The following LRRTM3 variants were observed in gnomAD, a reference collection of about 807,000 sequenced individuals.
The protein encoded by LRRTM3 is leucine rich repeat transmembrane neuronal 3, also known as leucine-rich repeat transmembrane neuronal protein 3.
LRRTM3 carries 24 observed loss-of-function variants against 44.7 expected under a neutral mutation model. The ratio of observed to expected loss-of-function variants is 0.54; its 90% confidence interval spans 0.39 to 0.76. The LOEUF (loss-of-function observed/expected upper bound fraction) is 0.76. LRRTM3 is among the 30% of genes least tolerant of loss of function. LRRTM3 has a pLI of 0.00. For synonymous variants in LRRTM3, 277 were observed against 278.7 expected, an observed-to-expected ratio of 0.99 and a Z score of 0.06; for missense variants, 587 against 702.2, an observed-to-expected ratio of 0.84 and a Z score of 1.85.
intron 2 of LRRTM3, among the ~76,000 whole-genome samples, chr10:67,065,200 C>T (rs1473129533): frequency 6.6e-6 from 1 of 152,146 alleles, no homozygotes; most frequent in African/African-American, 2.4e-5. Context: ...GTATTTGACA[C>T]ATATCGGGAG....
chr10:67,033,903 C>T (rs1853884388), intron 2 of LRRTM3, among the ~76,000 whole-genome samples: 1 of 152,104 alleles, frequency 6.6e-6, no homozygotes, highest in Admixed American at 6.5e-5. Flanking sequence ...TCCCTAATAG[C>T]TGGGATTACA....
chr10:67,083,405 A>C (rs1487301983), intron 2 of LRRTM3, among the ~76,000 whole-genome samples: 1 of 152,114 alleles, frequency 6.6e-6, no homozygotes, highest in East Asian at 1.9e-4. Flanking sequence ...AGTGCAAAAA[A>C]AAAAAGTATA....
intron 2 of LRRTM3, among the ~76,000 whole-genome samples, chr10:66,931,220 T>C (rs2132639963): frequency 7.2e-6 from 1 of 138,256 alleles, no homozygotes; most frequent in East Asian, 2.2e-4. Context: ...AAGCCTGACC[T>C]GTTGAACTAT....
At chr10:67,092,190 T>C (rs950444793) in intron 2 of LRRTM3, among the ~76,000 whole-genome samples, 5 of 152,000 alleles carry the variant, frequency 3.3e-5, no homozygotes, top group African/African-American at 1.2e-4. Context: ...TAAACTATCA[T>C]CTTTTCAACA....
chr10:67,020,558 A>C (rs73326973), intron 2 of LRRTM3, among the ~76,000 whole-genome samples: 5,208 of 152,226 alleles, frequency 0.034, 321 homozygotes, highest in African/African-American at 0.12. Context: ...TTCAACAAAT[A>C]TTTACTAAAT....
intron 2 of LRRTM3, among the ~76,000 whole-genome samples, 194 bp from the exon 3 acceptor site, chr10:67,097,393 G>A (rs929415051): frequency 2.0e-5 from 3 of 151,788 alleles, no homozygotes; most frequent in Non-Finnish European, 4.4e-5. Context: ...TTTCATCCCA[G>A]GATTTAAAAC....
At chr10:67,057,773 T>G (rs1855527758) in intron 2 of LRRTM3, among the ~76,000 whole-genome samples, 2 of 152,148 alleles carry the variant, frequency 1.3e-5, no homozygotes, top group Admixed American at 6.5e-5. Flanking sequence ...ACTCTCACTA[T>G]TCTCTCAGCT....
intron 2 of LRRTM3, among the ~76,000 whole-genome samples, chr10:67,034,705 C>A (rs1853935519): frequency 6.6e-6 from 1 of 152,158 alleles, no homozygotes; most frequent in Admixed American, 6.5e-5. Flanking sequence ...CACCACCCTC[C>A]TACTCAGATG....
chr10:66,972,566 T>C (rs537823364), intron 2 of LRRTM3, among the ~76,000 whole-genome samples: 13 of 152,120 alleles, frequency 8.5e-5, no homozygotes, highest in Non-Finnish European at 1.8e-4. Flanking sequence ...AACAGGCCCA[T>C]CCAGATTGTT....
intron 2 of LRRTM3, chr10:67,015,227 T>C (rs1012370291): frequency 1.3e-5 from 2 of 152,164 alleles, no homozygotes; most frequent in African/African-American, 4.8e-5. Context: ...TTATACCATT[T>C]ATATGCTATT....
At chr10:67,000,472 C>T (rs533124528) in intron 2 of LRRTM3, among the ~76,000 whole-genome samples, 2 of 152,260 alleles carry the variant, frequency 1.3e-5, no homozygotes, top group South Asian at 4.1e-4. Flanking sequence ...GAGACAACAC[C>T]TACTTACACA....
At chr10:67,088,226 AC>A (rs1241416881) in intron 2 of LRRTM3, among the ~76,000 whole-genome samples, 2 of 151,276 alleles carry the variant, frequency 1.3e-5, no homozygotes, top group African/African-American at 4.8e-5. Context: ...TCCATCCAGA[AC>A]CCTTCAGGAC....
intron 2 of LRRTM3, among the ~76,000 whole-genome samples, chr10:67,048,714 G>A (rs577385146): frequency 6.6e-5 from 10 of 152,036 alleles, no homozygotes; most frequent in Non-Finnish European, 1.3e-4. Context: ...TTCAAAAACA[G>A]GTACATGATA....
intron 2 of LRRTM3, among the ~76,000 whole-genome samples, chr10:67,016,374 T>C (rs1249131484): frequency 6.6e-6 from 1 of 152,152 alleles, no homozygotes; most frequent in Non-Finnish European, 1.5e-5. Flanking sequence ...CCTCGTTTCT[T>C]TTTGTTTGTT....
In LRRTM3 at chr10:66,933,279, A is replaced by G. The variant is rs557177789; in HGVS notation, c.1536+4827A>G. Among the ~76,000 whole-genome samples, 130 of 152,338 alleles carry G rather than the reference A, an allele frequency of 8.5e-4. No individual in the cohort carries two copies. In the Middle Eastern group the frequency reaches 0.024, roughly 28 times the overall value. ...GGCACAGCTTCTTCCACCTCATGTT[A>G]TCTAAGTCTATGATTTTTATACTGA... On this transcript the variant is annotated intron_variant, in intron 2 of 2. Coordinates refer to ENST00000361320, the MANE Select transcript of LRRTM3 (RefSeq NM_178011.5).
chr10:66,951,223 C>A (rs931851615), intron 2 of LRRTM3, among the ~76,000 whole-genome samples: 3 of 151,714 alleles, frequency 2.0e-5, no homozygotes, highest in Admixed American at 6.6e-5. Flanking sequence ...TCAAGCGATT[C>A]TCCTGCCTCA....
chr10:66,949,845 T>A (rs17297327), intron 2 of LRRTM3, among the ~76,000 whole-genome samples: 53,076 of 152,044 alleles, frequency 0.35, 11,540 homozygotes, highest in East Asian at 0.6. Flanking sequence ...TAACAATGTG[T>A]GCAGAGAGGA....
chr10:67,001,990 G>C (rs1283421492), intron 2 of LRRTM3, among the ~76,000 whole-genome samples: 1 of 152,166 alleles, frequency 6.6e-6, no homozygotes, highest in Non-Finnish European at 1.5e-5. Flanking sequence ...AAATGGGTAT[G>C]AGTCTTAGAG....
At chr10:67,030,745 C>A (rs2133108267) in intron 2 of LRRTM3, among the ~76,000 whole-genome samples, 1 of 152,248 alleles carries the variant, frequency 6.6e-6, no homozygotes, top group South Asian at 2.1e-4. Context: ...GTGGCTCACG[C>A]CTGTGATCCC....
Sources: allele counts gnomAD v4.1 joint callset (sites outside exome capture counted in the v4.1 genomes callset), GRCh38; gene constraint gnomAD v4.1.1; transcripts MANE v1.5; gene names NCBI Gene and HGNC (gene_info 2026-07-23, HGNC 2026-07-21).